Variants in PLPP1 observed in about 807,000 individuals in gnomAD.
PLPP1 encodes lipid phosphate phosphohydrolase 1a.
A neutral mutation model predicts 31.2 loss-of-function variants in PLPP1; 24 were observed. That is an observed-to-expected ratio of 0.77 (90% confidence interval 0.56 to 1.08). The LOEUF (loss-of-function observed/expected upper bound fraction) is 1.08. Among genes scored for constraint, PLPP1 ranks in the 50% least tolerant of loss-of-function variants. The pLI is 0.00. For synonymous variants in PLPP1, 146 were observed against 126.3 expected (o/e 1.16, Z -1.05); for missense variants, 319 against 342.7 (o/e 0.93, Z 0.55).
At chr5:55,484,083 T>G (rs1451565352) in intron 1 of PLPP1, among the ~76,000 whole-genome samples, 1 of 152,162 alleles carries the variant, frequency 6.6e-6, no homozygotes, top group Non-Finnish European at 1.5e-5. Flanking sequence ...TGGCCTTTCA[T>G]GTCAGCCTGT....
chr5:55,494,640 C>A (rs760477418), intron 1 of PLPP1, among the ~76,000 whole-genome samples: 1 of 152,112 alleles, frequency 6.6e-6, no homozygotes, highest in Non-Finnish European at 1.5e-5. Context: ...CCTTCTACTG[C>A]GGATAGTTGC....
rs1579973407 is a variant in PLPP1 at position 55,507,264 on chromosome 5, T to C, written c.58+27308A>G. 1.3e-5 allele frequency among the ~76,000 whole-genome samples: 2 copies of C among 152,356 alleles called. 1 individual carries two copies. The highest frequency in any genetic ancestry group is 1.3e-4 in the Admixed American group (2 of 15,300). The stretch of plus-strand genomic sequence containing the variant: ...TTATCATTCCTGATCATTTGGCACA[T>C]GTTTCATGTCTAGCACACACCTAGA... On this transcript the variant is annotated intron_variant, in intron 1 of 5. Transcript: ENST00000307259.
intron 4 of PLPP1, among the ~76,000 whole-genome samples, chr5:55,433,903 G>A (rs1223279763): frequency 4.6e-5 from 7 of 152,102 alleles, no homozygotes; most frequent in South Asian, 4.2e-4. Flanking sequence ...TTGGGAGGCC[G>A]AGGCAGGTGG....
chr5:55,532,866 G>A (rs997120022), intron 1 of PLPP1, among the ~76,000 whole-genome samples: 2 of 150,016 alleles, frequency 1.3e-5, no homozygotes, highest in African/African-American at 4.9e-5. Flanking sequence ...CTGAGGCAGA[G>A]AACTGCTTGA....
chr5:55,531,808 G>T (rs1273362348), intron 1 of PLPP1, among the ~76,000 whole-genome samples: 1 of 152,170 alleles, frequency 6.6e-6, no homozygotes, highest in Non-Finnish European at 1.5e-5. Flanking sequence ...TGCACCACTG[G>T]TCTCCTTCAC....
chr5:55,512,479 A>AGG (rs1422549377), intron 1 of PLPP1, among the ~76,000 whole-genome samples: 1 of 42,256 alleles, frequency 2.4e-5, no homozygotes, highest in African/African-American at 6.6e-5. Flanking sequence ...AAAAAAAAAA[A>AGG]AAAAGAAAGA....
intron 1 of PLPP1, among the ~76,000 whole-genome samples, chr5:55,527,259 C>T (rs1475296094): frequency 6.6e-6 from 1 of 152,126 alleles, no homozygotes; most frequent in Non-Finnish European, 1.5e-5. Context: ...AAAATGATGT[C>T]AGCATTATGG....
At chr5:55,522,722 TTTTGTTTTGTTTTG>T (rs1247949946) in intron 1 of PLPP1, among the ~76,000 whole-genome samples, 1 of 151,264 alleles carries the variant, frequency 6.6e-6, no homozygotes, top group African/African-American at 2.4e-5. Flanking sequence ...TTTTGTTTTG[TTTTGTTTTGTTTTG>T]TTTTTGAGAC....
At chr5:55,516,450 C>T (rs2111924617) in intron 1 of PLPP1, among the ~76,000 whole-genome samples, 1 of 152,262 alleles carries the variant, frequency 6.6e-6, no homozygotes, top group Non-Finnish European at 1.5e-5. Flanking sequence ...GTTCATTTTT[C>T]ATATTTATTT....
chr5:55,437,450 G>GT (rs916140167), intron 4 of PLPP1, among the ~76,000 whole-genome samples: 1 of 35,712 alleles, frequency 2.8e-5, no homozygotes, highest in Non-Finnish European at 7.6e-5. Context: ...TTTTTAAGGA[G>GT]TTTTTTTTGT....
intron 2 of PLPP1, among the ~76,000 whole-genome samples, chr5:55,475,001 T>A (rs1477306048): frequency 1.3e-5 from 2 of 152,158 alleles, no homozygotes; most frequent in African/African-American, 2.4e-5. Context: ...TATTCACAGA[T>A]GTGATCATCA....
chr5:55,425,374 T>G (rs1751153700), intron 5 of PLPP1, 40 bp from the exon 6 acceptor site: 1 of 1,521,238 alleles, frequency 6.6e-7, no homozygotes, highest in Non-Finnish European at 8.9e-7. Flanking sequence ...TTAGATCAAG[T>G]TAAAAACTAC....
chr5:55,533,567 T>C (rs1426302951), intron 1 of PLPP1, among the ~76,000 whole-genome samples: 2 of 152,110 alleles, frequency 1.3e-5, no homozygotes, highest in Non-Finnish European at 2.9e-5. Context: ...TGAGAAACCA[T>C]TACGCAGACT....
intron 4 of PLPP1, among the ~76,000 whole-genome samples, chr5:55,426,398 T>G (rs891297140): frequency 2.0e-5 from 3 of 152,124 alleles, no homozygotes; most frequent in African/African-American, 7.2e-5. Flanking sequence ...GCCATTGGTT[T>G]TTTTATTGTT....
At chr5:55,477,668 C>T (rs1193638978) in intron 1 of PLPP1, among the ~76,000 whole-genome samples, 1 of 152,132 alleles carries the variant, frequency 6.6e-6, no homozygotes, top group Non-Finnish European at 1.5e-5. Flanking sequence ...GTTGAGATTA[C>T]AGGCATGAGC....
intron 1 of PLPP1, among the ~76,000 whole-genome samples, chr5:55,515,740 G>C (rs1463820272): frequency 1.3e-5 from 2 of 151,962 alleles, no homozygotes; most frequent in African/African-American, 4.8e-5. Flanking sequence ...AGTCTTGGTG[G>C]TCTTAATTCC....
At chr5:55,479,267 T>G (rs1324498824) in intron 1 of PLPP1, among the ~76,000 whole-genome samples, 1 of 152,208 alleles carries the variant, frequency 6.6e-6, no homozygotes, top group East Asian at 1.9e-4. Flanking sequence ...CCTCAGGTGA[T>G]CCACCTGCCT....
intron 1 of PLPP1, among the ~76,000 whole-genome samples, chr5:55,510,949 C>T (rs1478753335): frequency 1.3e-5 from 2 of 152,184 alleles, no homozygotes; most frequent in African/African-American, 4.8e-5. Context: ...TTAATAAATG[C>T]TTACTCCCTG....
intron 3 of PLPP1, among the ~76,000 whole-genome samples, chr5:55,451,675 C>T (rs1751895939): frequency 2.6e-5 from 4 of 152,072 alleles, no homozygotes; most frequent in Non-Finnish European, 4.4e-5. Context: ...AGTTCTCCTG[C>T]CTCAGCCTCC....
Sources: allele counts gnomAD v4.1 joint callset (sites outside exome capture counted in the v4.1 genomes callset), GRCh38; gene constraint gnomAD v4.1.1; transcripts MANE v1.5; gene names NCBI Gene and HGNC (gene_info 2026-07-23, HGNC 2026-07-21).